ABR: variants seen among roughly 807,000 people sequenced by gnomAD.
ABR encodes active breakpoint cluster region-related protein.
ABR carries 35 observed loss-of-function variants against 107.2 expected under a neutral mutation model. The ratio of observed to expected loss-of-function variants is 0.33; its 90% CI spans 0.25 to 0.43. The LOEUF is 0.43. Among genes scored for constraint, ABR ranks in the 20% least tolerant of loss-of-function variants. ABR has a pLI of 1.00. For missense variants in ABR, 815 were observed against 1,115.2 expected (o/e 0.73, Z 3.83); for synonymous variants, 498 against 462.0 (o/e 1.08, Z -1.00).
intron 14 of ABR, among the ~76,000 whole-genome samples, chr17:1,053,371 AGGGAGG>A (rs2032797869): frequency 2.2e-5 from 1 of 44,574 alleles, no homozygotes; most frequent in Non-Finnish European, 4.4e-5. Context: ...ACAGGGTCAG[AGGGAGG>A]GTTCCGGAAC....
At chr17:1,133,201 C>T (rs558060730) in intron 1 of ABR, among the ~76,000 whole-genome samples, 1 of 150,582 alleles carries the variant, frequency 6.6e-6, no homozygotes, top group African/African-American at 2.4e-5. Flanking sequence ...AAGATCACAA[C>T]ATTGCTCTCC....
chr17:1,216,956 T>A (rs1308457394), intron 1 of ABR, among the ~76,000 whole-genome samples: 1 of 152,130 alleles, frequency 6.6e-6, no homozygotes, highest in Non-Finnish European at 1.5e-5. Context: ...AGCCCCATAA[T>A]GAAGCCCAGC....
intron 16 of ABR, among the ~76,000 whole-genome samples, chr17:1,044,599 C>T (rs1229288980): frequency 4.6e-5 from 7 of 151,446 alleles, no homozygotes; most frequent in Admixed American, 2.0e-4. Flanking sequence ...TGCAGTGAGC[C>T]AAGATTGCGC....
At chr17:1,062,192 GTT>G (rs1185194523) in intron 10 of ABR, among the ~76,000 whole-genome samples, 2 of 16,220 alleles carry the variant, frequency 1.2e-4, no homozygotes, top group Admixed American at 9.8e-4. Flanking sequence ...TCTAGACACT[GTT>G]GTTACGTGAA....
At chr17:1,080,127 G>A (rs1019617663) in intron 5 of ABR, among the ~76,000 whole-genome samples, 4 of 152,146 alleles carry the variant, frequency 2.6e-5, no homozygotes, top group African/African-American at 7.2e-5. Context: ...GGTCCCACAC[G>A]CCAGCAGGGA....
Position 1,179,495 on chromosome 17 carries a change from A to T in ABR, c.61+172T>A, listed in dbSNP as rs2042044014. Among the ~76,000 whole-genome samples, 3 of 141,944 alleles carry T rather than the reference A, an allele frequency of 2.1e-5. No individual in the cohort carries two copies. The South Asian group carries it at 6.9e-4, about 33-fold the overall frequency. 93.1% of individuals were successfully genotyped at this position (141,944 alleles called of 152,430 possible). On this transcript the variant is annotated intron_variant, in intron 1 of 22. Coordinates refer to ENST00000302538, the MANE Select transcript of ABR (RefSeq NM_021962.5). The surrounding 1 kb of genome is among the most constrained non-coding windows in gnomAD (Gnocchi z 4.9). ...GTCCCGACCCCGATCCCGATTCCCA[A>T]CCCGACCCCGATCCGGACCCCGATC...
intron 10 of ABR, among the ~76,000 whole-genome samples, chr17:1,059,974 C>T (rs9910502): frequency 0.68 from 102,957 of 152,084 alleles, 35,195 homozygotes; most frequent in East Asian, 0.85. Flanking sequence ...CCCATCCCAC[C>T]TGGAGGGAAC....
At chr17:1,055,867 G>T in intron 14 of ABR, 168 bp downstream of exon 14, 1 of 615,486 alleles carries the variant, frequency 1.6e-6, no homozygotes, top group Non-Finnish European at 2.9e-6. Context: ...TGAGAAAGAG[G>T]ACTTTGGAGA....
At chr17:1,134,158 A>G (rs1191334737) in intron 1 of ABR, among the ~76,000 whole-genome samples, 2 of 152,164 alleles carry the variant, frequency 1.3e-5, no homozygotes, top group Non-Finnish European at 2.9e-5. Context: ...CACGCCTGTA[A>G]TCCCAGCACT....
At chr17:1,020,058 T>C (rs1309631529) in intron 16 of ABR, among the ~76,000 whole-genome samples, 4 of 151,600 alleles carry the variant, frequency 2.6e-5, no homozygotes, top group Non-Finnish European at 5.9e-5. Flanking sequence ...GGGCCGTACA[T>C]GGTCACTGAG....
At chr17:1,197,664 AG>A (rs2042595519) in intron 1 of ABR, among the ~76,000 whole-genome samples, 1 of 151,638 alleles carries the variant, frequency 6.6e-6, no homozygotes, top group African/African-American at 2.4e-5. Context: ...GACCACCAGC[AG>A]AGAGGGGGAG....
intron 1 of ABR, among the ~76,000 whole-genome samples, chr17:1,226,796 C>T (rs371106540): frequency 4.9e-4 from 74 of 150,880 alleles, no homozygotes; most frequent in African/African-American, 1.8e-3. Flanking sequence ...CATGTGTATA[C>T]GTGTGCAGGT....
intron 1 of ABR, among the ~76,000 whole-genome samples, chr17:1,142,148 C>T (rs1177555513): frequency 2.6e-5 from 4 of 152,112 alleles, no homozygotes; most frequent in Non-Finnish European, 5.9e-5. Context: ...GCTCCTACCC[C>T]AGGGATTGCT....
Position 1,200,309 on chromosome 17 carries a change from G to A in ABR, c.838+28484C>T, listed in dbSNP as rs549466968. On this transcript the variant is annotated intron_variant, in intron 1 of 22. Transcript: ENST00000574139. This position sits in a 1 kb window ranked among gnomAD's most constrained non-coding sequence, Gnocchi z 4.1. ...TCACGCCTGTAATCCCAACACTTTC[G>A]GACGATCGCTTGAAGCCAGGAGTTC... is the stretch of plus-strand genomic sequence containing the variant. Among the ~76,000 whole-genome samples, 20 of 152,132 alleles carry A rather than the reference G, an allele frequency of 1.3e-4. No homozygotes were observed. Among genetic ancestry groups the A allele is most frequent in the Admixed American group, 1.0e-3 (16 of 15,264 alleles).
At chr17:1,052,084 A>C (rs904269695) in intron 14 of ABR, among the ~76,000 whole-genome samples, 11 of 149,888 alleles carry the variant, frequency 7.3e-5, no homozygotes, top group Non-Finnish European at 1.5e-4. Flanking sequence ...AAAAAAAAAA[A>C]CCAAAAAAAC....
intron 1 of ABR, among the ~76,000 whole-genome samples, chr17:1,139,252 CTTTGTTT>C (rs1001829563): frequency 5.3e-5 from 8 of 151,964 alleles, no homozygotes; most frequent in African/African-American, 1.2e-4. Context: ...TTTTTTGTTC[CTTTGTTT>C]TTTGTTTTTT....
chr17:1,086,356 T>C (rs915330977), intron 4 of ABR, among the ~76,000 whole-genome samples: 1 of 151,974 alleles, frequency 6.6e-6, no homozygotes, highest in African/African-American at 2.4e-5. Flanking sequence ...CACACAGCCA[T>C]GAACATGGAT....
intron 1 of ABR, among the ~76,000 whole-genome samples, chr17:1,201,554 G>A (rs1407415963): frequency 6.6e-6 from 1 of 152,164 alleles, no homozygotes; most frequent in Non-Finnish European, 1.5e-5. Flanking sequence ...GCCCCCCGAT[G>A]CCGAAGAGAT....
At chr17:1,153,751 CGGG>C (rs2040921555) in intron 1 of ABR, 1 of 170,330 alleles carries the variant, frequency 5.9e-6, no homozygotes, top group Non-Finnish European at 1.2e-5. Flanking sequence ...GGCACACCTG[CGGG>C]AGGGCTGGGG....
Sources: allele counts gnomAD v4.1 joint callset (sites outside exome capture counted in the v4.1 genomes callset), GRCh38; gene constraint gnomAD v4.1.1; non-coding constraint Gnocchi (gnomAD v3.1); transcripts MANE v1.5; gene names NCBI Gene and HGNC (gene_info 2026-07-23, HGNC 2026-07-21).